The following CADM1 variants were observed in gnomAD, a reference collection of about 807,000 sequenced individuals.
CADM1 encodes the protein cell adhesion molecule 1, also known as TSLC-1.
Under a neutral mutation model 53.1 loss-of-function variants are expected in CADM1, and 15 were observed. The ratio of observed to expected loss-of-function variants is 0.28; its 90% CI spans 0.19 to 0.44. The LOEUF (loss-of-function observed/expected upper bound fraction) is 0.44. CADM1 is among the 20% of genes least tolerant of loss of function. The probability of loss-of-function intolerance (pLI) is 1.00; values close to 1 mark genes in which losing one functional copy is unlikely to be tolerated. For synonymous variants in CADM1, 281 were observed against 243.0 expected, an observed-to-expected ratio of 1.16 and a Z score of -1.45; for missense variants, 434 against 611.3, an observed-to-expected ratio of 0.71 and a Z score of 3.06.
At chr11:115,456,029 T>A (rs1283025370) in intron 1 of CADM1, among the ~76,000 whole-genome samples, 17 of 152,180 alleles carry the variant, frequency 1.1e-4, no homozygotes, top group Admixed American at 1.1e-3. Flanking sequence ...CCTGAGGTGA[T>A]TAGTTTCTCT....
intron 9 of CADM1, among the ~76,000 whole-genome samples, chr11:115,197,346 G>A (rs1202397065): frequency 1.2e-4 from 19 of 152,210 alleles, no homozygotes; most frequent in Admixed American, 1.2e-3. Flanking sequence ...TCATTTAAAT[G>A]ATAGATTTCC....
intron 1 of CADM1, among the ~76,000 whole-genome samples, chr11:115,273,175 C>A (rs546770087): frequency 2.0e-5 from 3 of 152,160 alleles, no homozygotes; most frequent in Non-Finnish European, 4.4e-5. Context: ...CTGTTTTGAT[C>A]TATTAAGTGA....
chr11:115,292,972 A>G (rs1037712570), intron 1 of CADM1, among the ~76,000 whole-genome samples: 1 of 152,230 alleles, frequency 6.6e-6, no homozygotes, highest in African/African-American at 2.4e-5. Context: ...CTTTTGAAAA[A>G]AGATGCCACA....
intron 1 of CADM1, among the ~76,000 whole-genome samples, chr11:115,458,704 C>T (rs1031549856): frequency 6.6e-6 from 1 of 151,814 alleles, no homozygotes; most frequent in Admixed American, 6.6e-5. Flanking sequence ...TCAGGAATAC[C>T]ACTTCTGTGG....
intron 1 of CADM1, among the ~76,000 whole-genome samples, chr11:115,491,931 A>T (rs1949506366): frequency 1.3e-5 from 2 of 152,268 alleles, no homozygotes; most frequent in African/African-American, 4.8e-5. Context: ...GGCAGGGAAC[A>T]TCATACACCT....
At chr11:115,227,903 GTTCT>G (rs1263937299) in intron 5 of CADM1, among the ~76,000 whole-genome samples, 1 of 152,180 alleles carries the variant, frequency 6.6e-6, no homozygotes, top group Non-Finnish European at 1.5e-5. Context: ...ATAAGTCCAT[GTTCT>G]AACCCTTGGA....
intron 1 of CADM1, among the ~76,000 whole-genome samples, chr11:115,493,630 G>A (rs187074589): frequency 1.6e-4 from 25 of 152,212 alleles, no homozygotes; most frequent in Admixed American, 6.5e-5. Flanking sequence ...TTGAACCAAG[G>A]ATCAAGCTAG....
chr11:115,490,725 C>T (rs975190010), intron 1 of CADM1, among the ~76,000 whole-genome samples: 6 of 152,078 alleles, frequency 3.9e-5, no homozygotes, highest in South Asian at 2.1e-4. Context: ...CAGTTTTAGA[C>T]GTCTTGAATT....
chr11:115,215,532 A>G (rs1941144308), intron 6 of CADM1, among the ~76,000 whole-genome samples: 1 of 152,130 alleles, frequency 6.6e-6, no homozygotes, highest in Non-Finnish European at 1.5e-5. Flanking sequence ...TAGGGCTCTC[A>G]GGCTAATCAC....
intron 1 of CADM1, among the ~76,000 whole-genome samples, chr11:115,271,157 G>A (rs1943285432): frequency 6.6e-6 from 1 of 152,052 alleles, no homozygotes; most frequent in African/African-American, 2.4e-5. Context: ...TCTTTATCAG[G>A]CTAAGCATCA....
intron 5 of CADM1, among the ~76,000 whole-genome samples, chr11:115,221,551 G>T (rs1941406121): frequency 6.6e-6 from 1 of 152,178 alleles, no homozygotes; most frequent in African/African-American, 2.4e-5. Flanking sequence ...CTCTTAAAGA[G>T]GTTGGAATGG....
chr11:115,363,279 C>T (rs1946077515), intron 1 of CADM1, among the ~76,000 whole-genome samples: 2 of 152,172 alleles, frequency 1.3e-5, no homozygotes, highest in African/African-American at 4.8e-5. Flanking sequence ...TTACCATCTC[C>T]TACCGTTTTT....
At chr11:115,294,633 TAATAA>T (rs1943998615) in intron 1 of CADM1, among the ~76,000 whole-genome samples, 1 of 152,066 alleles carries the variant, frequency 6.6e-6, no homozygotes. Context: ...TCTTATAAGG[TAATAA>T]AATAGAGAGG....
chr11:115,359,984 A>G (rs1945984776), intron 1 of CADM1, among the ~76,000 whole-genome samples: 1 of 152,204 alleles, frequency 6.6e-6, no homozygotes, highest in Admixed American at 6.5e-5. Context: ...TTGAATAAAA[A>G]CCACAACAAT....
chr11:115,503,527 C>G (rs1949778994), intron 1 of CADM1, among the ~76,000 whole-genome samples: 1 of 152,110 alleles, frequency 6.6e-6, no homozygotes, highest in African/African-American at 2.4e-5. Context: ...CTGCGGGCTC[C>G]CGGCGCCTTC....
At chr11:115,264,080 A>AC (rs1007959848) in intron 1 of CADM1, among the ~76,000 whole-genome samples, 7 of 152,086 alleles carry the variant, frequency 4.6e-5, no homozygotes, top group Non-Finnish European at 7.4e-5. Flanking sequence ...TGCTGCCTCC[A>AC]CCCCGTATGT....
chr11:115,417,238 G>T (rs1362350894), intron 1 of CADM1, among the ~76,000 whole-genome samples: 1 of 152,130 alleles, frequency 6.6e-6, no homozygotes, highest in African/African-American at 2.4e-5. Context: ...AAAGTTAAAT[G>T]CAAATCAAAA....
At chr11:115,389,717 A>G (rs1946786606) in intron 1 of CADM1, among the ~76,000 whole-genome samples, 1 of 152,184 alleles carries the variant, frequency 6.6e-6, no homozygotes, top group Non-Finnish European at 1.5e-5. Context: ...GAAATCCAAG[A>G]AACTATCAAT....
At chr11:115,306,508 A>T (rs1944378798) in intron 1 of CADM1, among the ~76,000 whole-genome samples, 1 of 152,030 alleles carries the variant, frequency 6.6e-6, no homozygotes, top group African/African-American at 2.4e-5. Flanking sequence ...TATTAAAGAC[A>T]TAGATATAAC....
Sources: gnomAD v4.1 joint callset for allele counts (sites outside exome capture counted in the v4.1 genomes callset) on GRCh38, gnomAD v4.1.1 for gene constraint, MANE v1.5 for transcripts, NCBI Gene and HGNC (gene_info 2026-07-23, HGNC 2026-07-21) for gene names.